The following TPRG1 variants were observed in gnomAD, a reference collection of about 807,000 sequenced individuals.
TPRG1 encodes the protein tumor protein p63 regulated 1, also known as tumor protein p63-regulated gene 1 protein.
Under a neutral mutation model 29.3 loss-of-function variants are expected in TPRG1, and 29 were observed. The ratio of observed to expected loss-of-function variants is 0.99; its 90% CI spans 0.74 to 1.35. The LOEUF is 1.35. TPRG1 is among the 40% of genes most tolerant of loss of function. The pLI, the probability that TPRG1 is intolerant of heterozygous loss-of-function variation, is 0.00. For missense variants in TPRG1, 327 were observed against 335.0 expected (o/e 0.98, Z 0.19); for synonymous variants, 130 against 116.8 (o/e 1.11, Z -0.73).
chr3:189,234,441 T>G (rs28408158), intron 3 of TPRG1, among the ~76,000 whole-genome samples: 2,157 of 152,346 alleles, frequency 0.014, 31 homozygotes, highest in African/African-American at 0.048. Context: ...ATATGTGGAT[T>G]ATTTTGTTGT....
chr3:189,139,390 C>T (rs557465206), intron 3 of TPRG1, among the ~76,000 whole-genome samples: 2 of 152,294 alleles, frequency 1.3e-5, no homozygotes, highest in Admixed American at 6.5e-5. Context: ...AGCTCTCCTC[C>T]ATCACCCAGC....
chr3:189,312,097 G>C (rs12629363), intron 5 of TPRG1, among the ~76,000 whole-genome samples: 5,726 of 70,324 alleles, frequency 0.081, 660 homozygotes, highest in Middle Eastern at 0.12. Flanking sequence ...TTCTTTCTTT[G>C]TTTCTTTGTT....
chr3:189,077,441 A>T (rs1275409850), intron 4 of TPRG1, among the ~76,000 whole-genome samples: 1 of 152,116 alleles, frequency 6.6e-6, no homozygotes, highest in African/African-American at 2.4e-5. Flanking sequence ...ACAGTTAGGC[A>T]AAACTAACTA....
chr3:189,075,130 T>G (rs904286522), intron 4 of TPRG1, among the ~76,000 whole-genome samples: 1 of 150,996 alleles, frequency 6.6e-6, no homozygotes, highest in Admixed American at 6.6e-5. Flanking sequence ...TTTTTAAATT[T>G]TATTATTTTT....
intron 1 of TPRG1, among the ~76,000 whole-genome samples, chr3:189,191,311 T>C (rs1731658040): frequency 6.6e-6 from 1 of 152,220 alleles, no homozygotes; most frequent in Non-Finnish European, 1.5e-5. Context: ...CATTCTGAAC[T>C]GTCCACTTTT....
chr3:189,177,531 C>CAT (rs995858665), intron 1 of TPRG1, among the ~76,000 whole-genome samples: 13 of 150,266 alleles, frequency 8.7e-5, no homozygotes, highest in South Asian at 2.1e-4. Context: ...TATGTATATA[C>CAT]ATATATATAT....
chr3:189,223,728 G>A (rs1737271083), intron 3 of TPRG1, among the ~76,000 whole-genome samples: 1 of 151,928 alleles, frequency 6.6e-6, no homozygotes, highest in Non-Finnish European at 1.5e-5. Context: ...ATGTCCTCTG[G>A]GCCTCAGTTT....
At chr3:189,306,090 T>C (rs1721589802) in intron 4 of TPRG1, among the ~76,000 whole-genome samples, 1 of 152,216 alleles carries the variant, frequency 6.6e-6, no homozygotes, top group Non-Finnish European at 1.5e-5. Context: ...GATTGTCAGA[T>C]CATGGGCTTA....
At chr3:189,242,789 T>G (rs552338503) in intron 4 of TPRG1, among the ~76,000 whole-genome samples, 1 of 152,220 alleles carries the variant, frequency 6.6e-6, no homozygotes, top group South Asian at 2.1e-4. Context: ...GTTAATTTCT[T>G]TTATAAATAT....
At chr3:189,118,577 G>A (rs994341901) in intron 1 of TPRG1, among the ~76,000 whole-genome samples, 2 of 152,168 alleles carry the variant, frequency 1.3e-5, no homozygotes, top group African/African-American at 4.8e-5. Context: ...TGGTTGTGTA[G>A]CCTGGGCCCA....
intron 3 of TPRG1, among the ~76,000 whole-genome samples, chr3:189,218,205 C>T (rs1056614232): frequency 8.5e-5 from 13 of 152,184 alleles, no homozygotes; most frequent in African/African-American, 2.9e-4. Context: ...CTCTGCCTCC[C>T]GGGGTTCACA....
At chr3:189,023,117 G>T (rs377086694) in intron 3 of TPRG1, among the ~76,000 whole-genome samples, 22 of 152,270 alleles carry the variant, frequency 1.4e-4, no homozygotes, top group African/African-American at 4.6e-4. Flanking sequence ...ACTGACCTGC[G>T]CCCACTGTCT....
intron 4 of TPRG1, among the ~76,000 whole-genome samples, chr3:189,050,125 CA>C (rs1431297269): frequency 6.6e-6 from 1 of 151,720 alleles, no homozygotes. Flanking sequence ...ACAAAAAACA[CA>C]AAAGATAAAT....
At chr3:189,187,092 T>G (rs1310625928) in intron 1 of TPRG1, among the ~76,000 whole-genome samples, 1 of 145,394 alleles carries the variant, frequency 6.9e-6, no homozygotes, top group African/African-American at 2.6e-5. Context: ...GCCCAAGTGA[T>G]CCTCTCACCT....
In TPRG1 at chr3:189,075,321, G is replaced by A. The variant is rs543425916; in HGVS notation, c.-463+51375G>A. 2.5e-4 allele frequency among the ~76,000 whole-genome samples: 38 copies of A among 151,988 alleles called. 2 individuals carry two copies. In the South Asian group the frequency reaches 7.9e-3, roughly 32 times the overall value. On this transcript the variant is annotated intron_variant, in intron 4 of 10. Coordinates refer to the TPRG1 transcript ENST00000433971. Reference sequence around the variant, plus strand: ...CTAATTTTCTTGTATTTTTAGTAGAGATGGGGTTTCACCATGTTGGCCAGG... The same window carrying A: ...CTAATTTTCTTGTATTTTTAGTAGAAATGGGGTTTCACCATGTTGGCCAGG...
chr3:189,018,390 C>G (rs1016811141), intron 3 of TPRG1, among the ~76,000 whole-genome samples: 18 of 149,004 alleles, frequency 1.2e-4, no homozygotes, highest in African/African-American at 4.4e-4. Context: ...TTTAATCCAT[C>G]TTGAATTGAT....
intron 1 of TPRG1, among the ~76,000 whole-genome samples, chr3:189,190,346 C>T (rs961693929): frequency 1.3e-5 from 2 of 152,174 alleles, no homozygotes; most frequent in African/African-American, 2.4e-5. Context: ...AATTCTGGCC[C>T]TGTGAGCTTC....
chr3:189,189,111 C>T (rs1029066583), intron 1 of TPRG1, among the ~76,000 whole-genome samples: 1 of 151,938 alleles, frequency 6.6e-6, no homozygotes, highest in African/African-American at 2.4e-5. Flanking sequence ...CTTTTTATAA[C>T]ATTTGCATTG....
intron 4 of TPRG1, among the ~76,000 whole-genome samples, chr3:189,242,806 T>C (rs1740827105): frequency 6.6e-6 from 1 of 152,090 alleles, no homozygotes; most frequent in Non-Finnish European, 1.5e-5. Context: ...ATATTGTGTT[T>C]ATCATAATTT....
Sources: allele counts gnomAD v4.1 joint callset (sites outside exome capture counted in the v4.1 genomes callset), GRCh38; gene constraint gnomAD v4.1.1; transcripts MANE v1.5; gene names NCBI Gene and HGNC (gene_info 2026-07-23, HGNC 2026-07-21).